The following FRMD4A variants were observed in gnomAD, a reference collection of about 807,000 sequenced individuals.
The protein encoded by FRMD4A is FERM domain-containing protein 4A.
Under a neutral mutation model 129.1 loss-of-function variants are expected in FRMD4A, and 29 were observed. That is an observed-to-expected ratio of 0.22 (90% CI 0.17 to 0.31). The LOEUF (loss-of-function observed/expected upper bound fraction) is 0.31. FRMD4A is among the 10% of genes least tolerant of loss of function. FRMD4A has a pLI of 1.00. For missense variants in FRMD4A, 1,272 were observed against 1,375.8 expected, an observed-to-expected ratio of 0.92 and a Z score of 1.19; for synonymous variants, 634 against 571.6, an observed-to-expected ratio of 1.11 and a Z score of -1.56.
rs150899323 is a variant in FRMD4A, at chr10:14,185,470, C to G, written c.45+144588G>C. On this transcript the variant is annotated intron_variant, in intron 2 of 24. Transcript: ENST00000357447. ...TCGTGGCAGAAATTAGTACAAAAAACATTACAACATTTTGTAATTTTTCTA... is the reference window on the plus strand; with the variant it reads ...TCGTGGCAGAAATTAGTACAAAAAAGATTACAACATTTTGTAATTTTTCTA... Among the ~76,000 whole-genome samples, 5 of 152,164 alleles carry G rather than the reference C, an allele frequency of 3.3e-5. No individual in the cohort carries two copies. In the South Asian group the frequency reaches 1.0e-3, roughly 32 times the overall value.
chr10:14,252,658 A>G (rs1343791495), intron 2 of FRMD4A, among the ~76,000 whole-genome samples: 1 of 152,258 alleles, frequency 6.6e-6, no homozygotes, highest in South Asian at 2.1e-4. Context: ...CATTTCTGGC[A>G]ATGTTAACTT....
At chr10:13,757,719 T>C (rs1033413606) in intron 8 of FRMD4A, among the ~76,000 whole-genome samples, 2 of 152,204 alleles carry the variant, frequency 1.3e-5, no homozygotes, top group Admixed American at 1.3e-4. Context: ...TCTCTTTCCA[T>C]TAAGGTGTAT....
intron 2 of FRMD4A, among the ~76,000 whole-genome samples, chr10:14,067,240 C>G (rs1262202953): frequency 1.3e-5 from 2 of 151,310 alleles, no homozygotes; most frequent in Admixed American, 6.6e-5. Flanking sequence ...CGCTTGAACC[C>G]AGGAGGTAGG....
intron 2 of FRMD4A, among the ~76,000 whole-genome samples, chr10:14,070,887 C>G (rs1232731068): frequency 6.6e-6 from 1 of 152,102 alleles, no homozygotes; most frequent in Non-Finnish European, 1.5e-5. Flanking sequence ...AGATTCAATG[C>G]TAAAGGAAGT....
At chr10:14,226,784 G>A (rs369078972) in intron 2 of FRMD4A, among the ~76,000 whole-genome samples, 6 of 152,186 alleles carry the variant, frequency 3.9e-5, no homozygotes, top group Admixed American at 6.5e-5. Context: ...AGGGTCTCTC[G>A]GTCACTATCA....
At chr10:13,732,861 T>C (rs956244304) in intron 12 of FRMD4A, among the ~76,000 whole-genome samples, 26 of 152,190 alleles carry the variant, frequency 1.7e-4, no homozygotes, top group African/African-American at 6.3e-4. Context: ...TGGCTGACCT[T>C]CCCCATGTCT....
Position 13,657,361 on chromosome 10 carries a change from G to A in FRMD4A, c.2228C>T (p.Pro743Leu), listed in dbSNP as rs1331103173. The A allele has an allele frequency of 6.2e-6, 10 of 1,611,724 alleles. No individual in the cohort carries two copies. The highest frequency in any genetic ancestry group is 8.5e-6 in the Non-Finnish European group (10 of 1,179,730). Reference protein sequence around the residue: ...PRTRSSNGSDPMDDCSSCTSH... With the variant: ...PRTRSSNGSDLMDDCSSCTSH... Reference sequence around the variant, plus strand: ...GGTGCACGACGAGCAGTCGTCCATGGGGTCTGAGCCGTTGCTGCTACGAGT... The same window carrying A: ...GGTGCACGACGAGCAGTCGTCCATGAGGTCTGAGCCGTTGCTGCTACGAGT... Residue 743 changes from proline to leucine, a missense_variant, in exon 22 of 25, where the codon CCC (proline) becomes CTC (leucine). Coordinates refer to ENST00000357447, the MANE Select transcript of FRMD4A (RefSeq NM_018027.5).
chr10:13,859,142 C>T (rs753494297), intron 2 of FRMD4A, among the ~76,000 whole-genome samples: 9 of 152,158 alleles, frequency 5.9e-5, no homozygotes, highest in Non-Finnish European at 1.3e-4. Context: ...CTTTAGGAGG[C>T]CAAGGTGGGC....
intron 12 of FRMD4A, among the ~76,000 whole-genome samples, chr10:13,715,025 G>A (rs1049595524): frequency 6.7e-6 from 1 of 149,984 alleles, no homozygotes; most frequent in Non-Finnish European, 1.5e-5. Context: ...GGCGACAGAG[G>A]AAGACTCCGT....
At chr10:14,260,464 G>A (rs933578205) in intron 2 of FRMD4A, among the ~76,000 whole-genome samples, 4 of 152,152 alleles carry the variant, frequency 2.6e-5, no homozygotes, top group Admixed American at 2.0e-4. Context: ...TCGGGCTCAG[G>A]GTTCACACAC....
chr10:14,047,940 CT>C (rs565908708), intron 2 of FRMD4A, among the ~76,000 whole-genome samples: 7 of 152,322 alleles, frequency 4.6e-5, no homozygotes, highest in Admixed American at 2.6e-4. Flanking sequence ...ACAATTTCCA[CT>C]GCATAGAGCC....
chr10:14,297,616 G>A (rs903597101), intron 2 of FRMD4A, among the ~76,000 whole-genome samples: 3 of 152,122 alleles, frequency 2.0e-5, no homozygotes, highest in Non-Finnish European at 4.4e-5. Flanking sequence ...TGGACCCCAG[G>A]CCTTTTTCAA....
At chr10:13,660,587 C>G (rs75598361) in intron 19 of FRMD4A, 34 bp from the exon 20 acceptor site, 4 of 1,350,330 alleles carry the variant, frequency 3.0e-6, no homozygotes, top group South Asian at 1.3e-5. Flanking sequence ...AACTGAGCCC[C>G]GGTCATCCTT....
chr10:13,701,284 C>G, intron 14 of FRMD4A, 56 bp downstream of exon 14: 1 of 1,558,316 alleles, frequency 6.4e-7, no homozygotes, highest in African/African-American at 1.3e-5. Flanking sequence ...ATCCTCATTC[C>G]TAAACTAAGA....
chr10:13,787,970 AG>A (rs1043520962), intron 5 of FRMD4A, among the ~76,000 whole-genome samples: 5 of 152,156 alleles, frequency 3.3e-5, no homozygotes, highest in African/African-American at 1.2e-4. Context: ...AGCATGGAGC[AG>A]GGAGTGCTTC....
intron 2 of FRMD4A, among the ~76,000 whole-genome samples, chr10:14,214,407 C>T (rs1396991987): frequency 2.6e-5 from 4 of 152,170 alleles, no homozygotes; most frequent in East Asian, 1.9e-4. Flanking sequence ...ACAAGCTGAA[C>T]GACCTTAGAC....
intron 6 of FRMD4A, among the ~76,000 whole-genome samples, chr10:13,765,759 A>G (rs2092266288): frequency 6.6e-6 from 1 of 152,204 alleles, no homozygotes; most frequent in African/African-American, 2.4e-5. Flanking sequence ...GTCCCATCAG[A>G]ATGTAAATCA....
chr10:14,197,412 T>C (rs1842503818), intron 2 of FRMD4A, among the ~76,000 whole-genome samples: 1 of 152,064 alleles, frequency 6.6e-6, no homozygotes, highest in Non-Finnish European at 1.5e-5. Context: ...TGAGATGGAG[T>C]CTAGCTCGTG....
At chr10:14,207,509 A>T (rs1463010245) in intron 2 of FRMD4A, among the ~76,000 whole-genome samples, 1 of 152,192 alleles carries the variant, frequency 6.6e-6, no homozygotes, top group East Asian at 1.9e-4. Flanking sequence ...CCCTGTGTAT[A>T]AAATGTGACT....
Sources: gnomAD v4.1 joint callset for allele counts (sites outside exome capture counted in the v4.1 genomes callset) on GRCh38, gnomAD v4.1.1 for gene constraint, MANE v1.5 for transcripts, NCBI Gene and HGNC (gene_info 2026-07-23, HGNC 2026-07-21) for gene names.